FNBP1L: variants seen among roughly 807,000 people sequenced by gnomAD.
FNBP1L encodes formin binding protein 1 like.
Under a neutral mutation model 91.2 loss-of-function variants are expected in FNBP1L, and 36 were observed. The observed-to-expected ratio is 0.39, with a 90% confidence interval of 0.30 to 0.52. The LOEUF is 0.52. Ranked by LOEUF, FNBP1L falls within the 20% of genes least tolerant of loss-of-function variation. FNBP1L has a pLI of 0.66. For synonymous variants in FNBP1L, 242 were observed against 237.0 expected (o/e 1.02, Z -0.19); for missense variants, 571 against 732.1 (o/e 0.78, Z 2.54).
chr1:93,519,594 A>G (rs921586137), intron 2 of FNBP1L, among the ~76,000 whole-genome samples: 10 of 152,342 alleles, frequency 6.6e-5, no homozygotes, highest in South Asian at 4.1e-4. Context: ...ATGTTTGAGC[A>G]TATGACTGCA....
At chr1:93,493,312 A>G (rs1438038472) in intron 1 of FNBP1L, among the ~76,000 whole-genome samples, 2 of 152,242 alleles carry the variant, frequency 1.3e-5, no homozygotes, top group Admixed American at 6.5e-5. Context: ...TGGTGAATGC[A>G]TAGGTGAACC....
chr1:93,452,070 T>C (rs1668516249), intron 1 of FNBP1L, among the ~76,000 whole-genome samples: 1 of 152,236 alleles, frequency 6.6e-6, no homozygotes, highest in South Asian at 2.1e-4. Context: ...AGTGTTAACC[T>C]TTTAATACTT....
At chr1:93,516,049 T>A (rs1282895901) in intron 2 of FNBP1L, among the ~76,000 whole-genome samples, 2 of 152,218 alleles carry the variant, frequency 1.3e-5, no homozygotes, top group Non-Finnish European at 2.9e-5. Flanking sequence ...AAACTCAGTA[T>A]ATGTAGACTC....
At chr1:93,518,359 C>G (rs548494906) in intron 2 of FNBP1L, among the ~76,000 whole-genome samples, 1 of 152,282 alleles carries the variant, frequency 6.6e-6, no homozygotes, top group African/African-American at 2.4e-5. Context: ...GCCTGTCCTC[C>G]CACATCTGTA....
chr1:93,489,881 C>G (rs1251939066), intron 1 of FNBP1L, among the ~76,000 whole-genome samples: 1 of 152,106 alleles, frequency 6.6e-6, no homozygotes, highest in Non-Finnish European at 1.5e-5. Context: ...GGAGAAAAGT[C>G]AGTTGTGTTA....
intron 2 of FNBP1L, among the ~76,000 whole-genome samples, chr1:93,499,787 A>C (rs1422972099): frequency 6.6e-6 from 1 of 152,218 alleles, no homozygotes; most frequent in Admixed American, 6.5e-5. Flanking sequence ...GATCACAAAT[A>C]GCTTTCATTC....
rs1300204698 is a variant in FNBP1L at position 93,534,799 on chromosome 1, T to C, written c.881T>C (p.Ile294Thr). The C allele has an allele frequency of 6.4e-7, 1 of 1,572,306 alleles. No individual in the cohort carries two copies. The highest frequency in any genetic ancestry group is 2.3e-5 in the East Asian group (1 of 43,148). The change falls in exon 9 of 17, where the codon ATT (isoleucine) becomes ACT (threonine). Residue 294 changes from isoleucine to threonine, a missense_variant. Physicochemically the swap from Ile to Thr is moderately conservative, Grantham distance 89. Coordinates refer to ENST00000271234, the MANE Select transcript of FNBP1L (RefSeq NM_001164473.3). ...EDYSQHIYRTISDGTISASKQ... is the reference protein window; with the variant it reads ...EDYSQHIYRTTSDGTISASKQ... ...TACAGTCAACATATATATAGAACCA[T>C]TTCTGATGGGACTATCAGTGCATCC...
At chr1:93,523,538 C>T (rs1367536602) in intron 4 of FNBP1L, 47 bp downstream of exon 4, 1 of 1,474,574 alleles carries the variant, frequency 6.8e-7, no homozygotes, top group South Asian at 1.4e-5. Context: ...ATGAAATAGT[C>T]ACACAGAAAC....
At chr1:93,546,466 C>G (rs1672240502) in intron 12 of FNBP1L, among the ~76,000 whole-genome samples, 1 of 152,076 alleles carries the variant, frequency 6.6e-6, no homozygotes, top group South Asian at 2.1e-4. Flanking sequence ...CTAAGGAACA[C>G]TGTGGAATAG....
chr1:93,519,176 A>G (rs1027614135), intron 2 of FNBP1L, among the ~76,000 whole-genome samples: 7 of 152,208 alleles, frequency 4.6e-5, no homozygotes, highest in African/African-American at 1.7e-4. Flanking sequence ...CCACTGGTCA[A>G]GAGTATTTAT....
intron 2 of FNBP1L, among the ~76,000 whole-genome samples, chr1:93,521,803 A>T (rs528779167): frequency 3.3e-5 from 5 of 152,286 alleles, no homozygotes; most frequent in Admixed American, 6.5e-5. Context: ...TCTTCCTCTT[A>T]ACTATTTTCT....
chr1:93,451,310 T>A (rs1010803144), intron 1 of FNBP1L, among the ~76,000 whole-genome samples: 3 of 152,186 alleles, frequency 2.0e-5, no homozygotes, highest in African/African-American at 7.2e-5. Flanking sequence ...AAAAGACCTA[T>A]GTTTAGTAAA....
chr1:93,498,964 T>C (rs2818971), intron 1 of FNBP1L, among the ~76,000 whole-genome samples: 151,132 of 152,298 alleles, frequency 0.99, 74,994 homozygotes, highest in East Asian at 1. Flanking sequence ...TTTTGTCCAG[T>C]TAAATAATTC....
intron 1 of FNBP1L, among the ~76,000 whole-genome samples, chr1:93,459,661 G>T (rs1668794011): frequency 1.3e-5 from 2 of 152,176 alleles, no homozygotes; most frequent in Non-Finnish European, 2.9e-5. Context: ...AAAACAATAT[G>T]ACAGTTCCTC....
In FNBP1L at chr1:93,468,378, A is replaced by C. The variant is rs538259779; in HGVS notation, c.24+20073A>C. Among the ~76,000 whole-genome samples the C allele has an allele frequency of 2.0e-5, 3 of 151,782 alleles. No individual in the cohort carries two copies. In the East Asian group the frequency reaches 5.8e-4, roughly 29 times the overall value. On this transcript the variant is annotated intron_variant, in intron 1 of 16. Coordinates refer to ENST00000271234, the MANE Select transcript of FNBP1L (RefSeq NM_001164473.3). Reference sequence around the variant, plus strand: ...GTTGATTGACTTTTAGGTGTTTTCTATTTTTGGCATGAATAATGCTGCTGT... The same window carrying C: ...GTTGATTGACTTTTAGGTGTTTTCTCTTTTTGGCATGAATAATGCTGCTGT...
At chr1:93,550,457 G>A (rs1455055980) in intron 15 of FNBP1L, among the ~76,000 whole-genome samples, 1 of 152,174 alleles carries the variant, frequency 6.6e-6, no homozygotes, top group East Asian at 1.9e-4. Context: ...GAGTGAAAGA[G>A]TTGTGTATGG....
intron 1 of FNBP1L, among the ~76,000 whole-genome samples, chr1:93,479,676 T>G (rs926687448): frequency 6.6e-6 from 1 of 152,146 alleles, no homozygotes; most frequent in Non-Finnish European, 1.5e-5. Context: ...TAGCGATATC[T>G]CTCCTACTTG....
chr1:93,539,915 G>A (rs1219537494), intron 10 of FNBP1L, among the ~76,000 whole-genome samples: 1 of 152,114 alleles, frequency 6.6e-6, no homozygotes, highest in Non-Finnish European at 1.5e-5. Flanking sequence ...TATTTTTAAT[G>A]TGAATTTTTT....
At chr1:93,521,899 T>G (rs890703859) in intron 2 of FNBP1L, among the ~76,000 whole-genome samples, 183 bp from the exon 3 acceptor site, 4 of 152,180 alleles carry the variant, frequency 2.6e-5, no homozygotes, top group Non-Finnish European at 4.4e-5. Flanking sequence ...GGTATCAGTA[T>G]TTTAAGAACA....
Sources: allele counts gnomAD v4.1 joint callset (sites outside exome capture counted in the v4.1 genomes callset), GRCh38; gene constraint gnomAD v4.1.1; transcripts MANE v1.5; gene names NCBI Gene and HGNC (gene_info 2026-07-23, HGNC 2026-07-21).